RNLS: variants seen among roughly 807,000 people sequenced by gnomAD.
RNLS encodes the protein renalase.
Under a neutral mutation model 39.8 loss-of-function variants are expected in RNLS, and 39 were observed. The observed-to-expected ratio is 0.98, with a 90% confidence interval of 0.76 to 1.28. The LOEUF (loss-of-function observed/expected upper bound fraction) is 1.28, where lower values mean the gene tolerates loss of function less well. Ranked by LOEUF, RNLS falls within the 50% of genes most tolerant of loss-of-function variation. The probability of loss-of-function intolerance (pLI) is 0.00; values close to 1 mark genes in which losing one functional copy is unlikely to be tolerated. For synonymous variants in RNLS, 147 were observed against 150.7 expected (o/e 0.98, Z 0.18); for missense variants, 410 against 413.3 (o/e 0.99, Z 0.07).
chr10:88,428,038 T>TA (rs531932668), intron 4 of RNLS, among the ~76,000 whole-genome samples: 4 of 150,370 alleles, frequency 2.7e-5, no homozygotes, highest in South Asian at 2.1e-4. Flanking sequence ...CCTTGAACAA[T>TA]AAAAAAAAAG....
At chr10:88,510,713 G>A (rs1846068820) in intron 4 of RNLS, among the ~76,000 whole-genome samples, 1 of 151,876 alleles carries the variant, frequency 6.6e-6, no homozygotes, top group Non-Finnish European at 1.5e-5. Flanking sequence ...GCATGGTGGT[G>A]CGCGCCTGTA....
intron 6 of RNLS, among the ~76,000 whole-genome samples, chr10:88,295,492 G>T (rs981034302): frequency 6.6e-6 from 1 of 151,952 alleles, no homozygotes; most frequent in African/African-American, 2.4e-5. Context: ...TATATTTAAC[G>T]GTGATTTCAT....
the RNLS span, among the ~76,000 whole-genome samples, chr10:88,235,296 GA>G: frequency 1.8e-5 from 2 of 111,142 alleles, no homozygotes; most frequent in Non-Finnish European, 3.9e-5. Context: ...AAAAAAGAAA[GA>G]AATCCCTAAC....
chr10:88,217,707 TACTC>T, the RNLS span, among the ~76,000 whole-genome samples: 1 of 117,130 alleles, frequency 8.5e-6, no homozygotes, highest in African/African-American at 3.4e-5. Flanking sequence ...TTCAGTTTGA[TACTC>T]AAGAAAATCT....
Position 88,489,006 on chromosome 10 carries a change from T to C in RNLS, c.526+83897A>G, listed in dbSNP as rs191606581. ...TTAAAGAGAGGATCATTATCTGTAA[T>C]AAGACACACTGTACAAAGTGGTCTT... On this transcript the variant is annotated intron_variant, in intron 4 of 6. Coordinates refer to ENST00000331772, the MANE Select transcript of RNLS (RefSeq NM_001031709.3). Among the ~76,000 whole-genome samples the C allele has an allele frequency of 5.9e-4, 90 of 152,332 alleles. 1 individual carries two copies. The highest frequency in any genetic ancestry group is 1.1e-3 in the Non-Finnish European group (75 of 68,024).
the RNLS span, among the ~76,000 whole-genome samples, chr10:88,236,060 T>C: frequency 1.3e-5 from 2 of 152,256 alleles, no homozygotes; most frequent in African/African-American, 4.8e-5. Context: ...ATTTATGGAA[T>C]GATTGCTACT....
chr10:88,404,518 C>A (rs1057255040), intron 4 of RNLS, among the ~76,000 whole-genome samples: 5 of 151,896 alleles, frequency 3.3e-5, no homozygotes, highest in African/African-American at 9.7e-5. Context: ...GGTCTAAACC[C>A]CTAAGTCATA....
chr10:88,210,061 T>C, the RNLS span, among the ~76,000 whole-genome samples: 1 of 152,232 alleles, frequency 6.6e-6, no homozygotes, highest in African/African-American at 2.4e-5. Context: ...AATTGTACCG[T>C]GCCCTGAGGC....
chr10:88,379,880 A>G (rs1197465772), intron 4 of RNLS, among the ~76,000 whole-genome samples: 1 of 152,194 alleles, frequency 6.6e-6, no homozygotes, highest in Non-Finnish European at 1.5e-5. Flanking sequence ...AACAGCATCA[A>G]CCAACAGACT....
intron 4 of RNLS, among the ~76,000 whole-genome samples, chr10:88,510,519 T>C (rs955741878): frequency 2.0e-5 from 3 of 152,076 alleles, no homozygotes; most frequent in Non-Finnish European, 4.4e-5. Flanking sequence ...ATCTCTATTA[T>C]AAATAGGATA....
At chr10:88,499,263 C>T (rs926712090) in intron 4 of RNLS, among the ~76,000 whole-genome samples, 6 of 152,132 alleles carry the variant, frequency 3.9e-5, no homozygotes, top group African/African-American at 9.7e-5. Context: ...ATGGCCATTT[C>T]TCTGCTAGTG....
chr10:88,258,345 T>C, the RNLS span, among the ~76,000 whole-genome samples: 15 of 152,214 alleles, frequency 9.9e-5, no homozygotes, highest in African/African-American at 3.6e-4. Flanking sequence ...CTGGATCCTA[T>C]TAAATAAAAT....
chr10:88,563,828 C>G (rs1375427203), intron 4 of RNLS, among the ~76,000 whole-genome samples: 1 of 152,068 alleles, frequency 6.6e-6, no homozygotes, highest in Non-Finnish European at 1.5e-5. Context: ...CTTTCAGAAA[C>G]TATTATACTG....
At chr10:88,396,763 C>A (rs1264404208) in intron 4 of RNLS, among the ~76,000 whole-genome samples, 2 of 148,058 alleles carry the variant, frequency 1.4e-5, no homozygotes, top group African/African-American at 4.9e-5. Flanking sequence ...ACTTTAGATC[C>A]TAGGTTGAAG....
At chr10:88,560,615 A>G (rs1003430562) in intron 4 of RNLS, among the ~76,000 whole-genome samples, 39 of 151,912 alleles carry the variant, frequency 2.6e-4, no homozygotes, top group Admixed American at 1.6e-3. Context: ...TCAGAAGCAA[A>G]CTCTGGGAGG....
intron 4 of RNLS, among the ~76,000 whole-genome samples, chr10:88,495,740 G>A (rs1419606104): frequency 6.6e-6 from 1 of 152,024 alleles, no homozygotes; most frequent in East Asian, 1.9e-4. Flanking sequence ...GAAGGGATAT[G>A]GAAAACTGGT....
chr10:88,494,114 T>A (rs1327602219), intron 4 of RNLS, among the ~76,000 whole-genome samples: 2 of 152,086 alleles, frequency 1.3e-5, no homozygotes, highest in East Asian at 3.8e-4. Context: ...GCATTCACAA[T>A]GACAGATATT....
chr10:88,459,651 C>T (rs755484699), intron 4 of RNLS, among the ~76,000 whole-genome samples: 1 of 152,128 alleles, frequency 6.6e-6, no homozygotes, highest in South Asian at 2.1e-4. Context: ...TGGGCATGTT[C>T]CTCTCTGTGT....
intron 5 of RNLS, among the ~76,000 whole-genome samples, chr10:88,357,951 A>C (rs1164782830): frequency 6.6e-6 from 1 of 152,222 alleles, no homozygotes; most frequent in Non-Finnish European, 1.5e-5. Flanking sequence ...GCTTTAGGTG[A>C]GCAAGAAATA....
Sources: allele counts gnomAD v4.1 joint callset (sites outside exome capture counted in the v4.1 genomes callset), GRCh38; gene constraint gnomAD v4.1.1; transcripts MANE v1.5; gene names NCBI Gene and HGNC (gene_info 2026-07-23, HGNC 2026-07-21).